Variants in RNF144A observed in about 807,000 individuals in gnomAD.
The protein encoded by RNF144A is ring finger protein 144A.
In RNF144A, 11 loss-of-function variants were observed where a neutral mutation model predicts 38.7. That is an observed-to-expected ratio of 0.28 (90% CI 0.18 to 0.47). The LOEUF (loss-of-function observed/expected upper bound fraction) is 0.47, where lower values mean the gene tolerates loss of function less well. RNF144A is among the 20% of genes least tolerant of loss of function. The probability of loss-of-function intolerance (pLI) is 0.99; values close to 1 mark genes in which losing one functional copy is unlikely to be tolerated. For synonymous variants in RNF144A, 149 were observed against 143.9 expected, an observed-to-expected ratio of 1.04 and a Z score of -0.25; for missense variants, 316 against 377.2, an observed-to-expected ratio of 0.84 and a Z score of 1.34.
intron 6 of RNF144A, among the ~76,000 whole-genome samples, chr2:7,054,084 G>A (rs1020466605): frequency 3.9e-5 from 6 of 152,158 alleles, no homozygotes; most frequent in East Asian, 1.9e-4. Context: ...GGGGAGAGCC[G>A]GCTGCTGCTA....
At chr2:6,925,587 G>T (rs1278532033) in intron 1 of RNF144A, among the ~76,000 whole-genome samples, 1 of 152,104 alleles carries the variant, frequency 6.6e-6, no homozygotes, top group African/African-American at 2.4e-5. Flanking sequence ...ATCTGATGTG[G>T]GCAAGCCGCA....
intron 1 of RNF144A, among the ~76,000 whole-genome samples, chr2:6,928,228 G>A (rs1664997412): frequency 6.6e-6 from 1 of 152,168 alleles, no homozygotes; most frequent in Non-Finnish European, 1.5e-5. Context: ...GTGTTAAATG[G>A]ACGGTTTGGG....
At chr2:7,007,416 T>C (rs773531848) in intron 3 of RNF144A, among the ~76,000 whole-genome samples, 1 of 152,210 alleles carries the variant, frequency 6.6e-6, no homozygotes, top group Non-Finnish European at 1.5e-5. Flanking sequence ...CTACTCACAT[T>C]GTCTCACACT....
chr2:6,967,646 G>T (rs1034140388), intron 2 of RNF144A, among the ~76,000 whole-genome samples: 1 of 152,220 alleles, frequency 6.6e-6, no homozygotes, highest in African/African-American at 2.4e-5. Context: ...ATTAACAGTA[G>T]TGACTGCGGT....
At chr2:7,002,393 T>G (rs59675031) in intron 3 of RNF144A, among the ~76,000 whole-genome samples, 326 of 152,304 alleles carry the variant, frequency 2.1e-3, no homozygotes, top group African/African-American at 7.4e-3. Flanking sequence ...AGGGCTAGAT[T>G]TGCAGTGTGG....
chr2:6,942,514 C>T (rs191429712), intron 2 of RNF144A, among the ~76,000 whole-genome samples: 7 of 152,294 alleles, frequency 4.6e-5, no homozygotes, highest in Non-Finnish European at 8.8e-5. Flanking sequence ...GGAAAAGTGG[C>T]CACATTCTGG....
chr2:6,940,520 T>A (rs991110127), intron 1 of RNF144A, among the ~76,000 whole-genome samples: 2 of 152,208 alleles, frequency 1.3e-5, no homozygotes, highest in Non-Finnish European at 2.9e-5. Context: ...GCCTTTTTTT[T>A]CATTAGTTTA....
At chr2:7,068,267 C>T (rs1164546025) in exon 7 of RNF144A, 1 of 1,301,064 alleles carries the variant, frequency 7.7e-7, no homozygotes, top group Non-Finnish European at 1.0e-6. Flanking sequence ...ATCTGAGTGT[C>T]ATCTGTAAGA....
At chr2:7,050,529 T>C (rs1318485943) in intron 6 of RNF144A, among the ~76,000 whole-genome samples, 5 of 152,186 alleles carry the variant, frequency 3.3e-5, no homozygotes. Flanking sequence ...TGGGGCCTCC[T>C]AAAGTATCTT....
At chr2:7,055,467 GTTCC>G (rs1412842596) in intron 6 of RNF144A, among the ~76,000 whole-genome samples, 4 of 152,272 alleles carry the variant, frequency 2.6e-5, no homozygotes, top group Non-Finnish European at 4.4e-5. Flanking sequence ...CCTCTCCACT[GTTCC>G]TTCTCAAAAC....
chr2:6,921,063 G>A (rs554940516), intron 1 of RNF144A, among the ~76,000 whole-genome samples: 10 of 152,294 alleles, frequency 6.6e-5, no homozygotes, highest in South Asian at 2.1e-4. Context: ...ACAACCATTC[G>A]TAAGGGTTTG....
chr2:7,002,916 G>A (rs1451729245), intron 3 of RNF144A, among the ~76,000 whole-genome samples: 1 of 152,090 alleles, frequency 6.6e-6, no homozygotes, highest in African/African-American at 2.4e-5. Flanking sequence ...GGAGGTGGAA[G>A]CCAGTGACAT....
rs114412470 is a variant in RNF144A at position 6,961,380 on chromosome 2, C to T, written c.-12+20233C>T. ...GCGTTTTATTTTCCAGATTGAATTC[C>T]TATAAAGGTACATTTTTTTTTTCCC... On this transcript the variant is annotated intron_variant, in intron 2 of 8. Coordinates refer to ENST00000320892, the MANE Select transcript of RNF144A (RefSeq NM_014746.6). 6.8e-3 allele frequency among the ~76,000 whole-genome samples: 1,008 copies of T among 148,104 alleles called. 12 individuals are homozygous for T. The highest frequency in any genetic ancestry group is 0.024 in the African/African-American group (932 of 38,650).
chr2:6,966,648 G>A lies in RNF144A; in HGVS notation c.-12+25501G>A, dbSNP rs149548279. On this transcript the variant is annotated intron_variant, in intron 2 of 8. Coordinates refer to ENST00000320892, the MANE Select transcript of RNF144A (RefSeq NM_014746.6). Reference sequence around the variant, plus strand: ...TTTCCATGACAACCTCCTGTCGTGCGTTTTGAAATACAGTAAATATTGGCA... The same window carrying A: ...TTTCCATGACAACCTCCTGTCGTGCATTTTGAAATACAGTAAATATTGGCA... 3.9e-5 allele frequency among the ~76,000 whole-genome samples: 6 copies of A among 152,324 alleles called. No homozygotes were observed. In the East Asian group the frequency reaches 7.7e-4, roughly 20 times the overall value.
intron 6 of RNF144A, among the ~76,000 whole-genome samples, chr2:7,052,960 TTAAG>T (rs1204424813): frequency 1.3e-5 from 2 of 152,248 alleles, no homozygotes; most frequent in African/African-American, 2.4e-5. Context: ...CTGCACTGCA[TTAAG>T]TATCTCTTGA....
intron 2 of RNF144A, among the ~76,000 whole-genome samples, chr2:6,995,919 G>A (rs567247648): frequency 2.5e-4 from 38 of 152,266 alleles, no homozygotes; most frequent in South Asian, 6.2e-4. Flanking sequence ...GTGTGCGGCC[G>A]ACCCTTTATG....
chr2:7,041,461 T>C lies in RNF144A; in HGVS notation c.*1701T>C, dbSNP rs756864277. On this transcript the variant is annotated 3_prime_UTR_variant, in exon 9 of 9. Transcript: ENST00000320892. ...AAAATTACATTCAAAAAGCTCTCCTTGTAATTGCAAGTTTAGTAACTCAGT... is the reference window on the plus strand; with the variant it reads ...AAAATTACATTCAAAAAGCTCTCCTCGTAATTGCAAGTTTAGTAACTCAGT... The C allele has an allele frequency of 6.1e-6, 6 of 985,916 alleles. No individual in the cohort carries two copies. Among genetic ancestry groups the C allele is most frequent in the Non-Finnish European group, 7.2e-6 (6 of 829,940 alleles). The allele number at this position is 985,916 out of a possible 1,614,324, so 61.1% of individuals were successfully genotyped here. A position where few individuals can be genotyped will look rare whatever the true frequency, so the allele number is the denominator to read the frequency against.
rs970927165 is a variant in RNF144A, at chr2:6,943,675, C to T, written c.-12+2528C>T. Among the ~76,000 whole-genome samples, 1 of 151,988 alleles carries T rather than the reference C, an allele frequency of 6.6e-6. No homozygotes were observed. Among genetic ancestry groups the T allele is most frequent in the Non-Finnish European group, 1.5e-5 (1 of 68,000 alleles). On this transcript the variant is annotated intron_variant, in intron 2 of 8. Coordinates refer to ENST00000320892, the MANE Select transcript of RNF144A (RefSeq NM_014746.6). The surrounding 1 kb of genome is among the most constrained non-coding windows in gnomAD (Gnocchi z 4.3). ...GGAGTTACTGGCTTTAGGAGGAACA[C>T]GGATAGTTACCAGTGGGGATGGACC...
intron 3 of RNF144A, among the ~76,000 whole-genome samples, chr2:7,012,218 T>C (rs1670864160): frequency 6.6e-6 from 1 of 152,206 alleles, no homozygotes; most frequent in Admixed American, 6.5e-5. Flanking sequence ...TAAATACCTA[T>C]AACTGTAAGA....
Sources: gnomAD v4.1 joint callset for allele counts (sites outside exome capture counted in the v4.1 genomes callset) on GRCh38, gnomAD v4.1.1 for gene constraint, Gnocchi (gnomAD v3.1) non-coding constraint, MANE v1.5 for transcripts, NCBI Gene and HGNC (gene_info 2026-07-23, HGNC 2026-07-21) for gene names.